The following PHF24 variants were observed in gnomAD, a reference collection of about 807,000 sequenced individuals.
PHF24 encodes the protein PHD finger protein 24, also known as Galpha inhibitory interacting protein.
A neutral mutation model predicts 42.6 loss-of-function variants in PHF24; 25 were observed. That is an observed-to-expected ratio of 0.59 (90% CI 0.43 to 0.82). The LOEUF (loss-of-function observed/expected upper bound fraction) is 0.82. PHF24 is among the 40% of genes least tolerant of loss of function. The pLI is 0.00. For synonymous variants in PHF24, 185 were observed against 204.8 expected, an observed-to-expected ratio of 0.90 and a Z score of 0.83; for missense variants, 470 against 538.1, an observed-to-expected ratio of 0.87 and a Z score of 1.25.
At chr9:34,691,269 C>T in the PHF24 span, 2 of 686,338 alleles carry the variant, frequency 2.9e-6, no homozygotes, top group Non-Finnish European at 4.9e-6. Context: ...TGATGTGAGG[C>T]TGGGAATGTG....
chr9:34,842,583 T>C, the PHF24 span, among the ~76,000 whole-genome samples: 2 of 152,108 alleles, frequency 1.3e-5, no homozygotes, highest in Non-Finnish European at 2.9e-5. Context: ...GACACAGCAT[T>C]TGTCCCCTCT....
the PHF24 span, among the ~76,000 whole-genome samples, chr9:34,785,079 AAG>A: frequency 6.6e-6 from 1 of 152,242 alleles, no homozygotes; most frequent in South Asian, 2.1e-4. Context: ...ATTTATAAAT[AAG>A]AGAGATGTAT....
At chr9:34,805,226 G>A in the PHF24 span, among the ~76,000 whole-genome samples, 1 of 152,168 alleles carries the variant, frequency 6.6e-6, no homozygotes, top group African/African-American at 2.4e-5. Context: ...AATATACCTA[G>A]GAGTGAAATT....
chr9:34,694,592 C>T, the PHF24 span, among the ~76,000 whole-genome samples: 15 of 152,282 alleles, frequency 9.9e-5, no homozygotes, highest in Admixed American at 9.1e-4. Flanking sequence ...TTTGGCCTCC[C>T]AAAGTGCAGG....
the PHF24 span, among the ~76,000 whole-genome samples, chr9:34,924,368 G>T: frequency 6.6e-6 from 1 of 152,124 alleles, no homozygotes; most frequent in Non-Finnish European, 1.5e-5. Context: ...GTCTGAAAGT[G>T]GGGTGTTGAA....
At chr9:34,909,724 C>T in the PHF24 span, among the ~76,000 whole-genome samples, 2 of 151,924 alleles carry the variant, frequency 1.3e-5, no homozygotes, top group Admixed American at 6.5e-5. Flanking sequence ...CGGGCTCACG[C>T]CATTCTCCTG....
At chr9:34,824,072 G>T in the PHF24 span, among the ~76,000 whole-genome samples, 3 of 152,210 alleles carry the variant, frequency 2.0e-5, no homozygotes, top group African/African-American at 7.2e-5. Flanking sequence ...GGGCCTGTTT[G>T]CTCTCGCCTG....
At chr9:34,781,493 G>A in the PHF24 span, among the ~76,000 whole-genome samples, 22 of 152,214 alleles carry the variant, frequency 1.4e-4, no homozygotes, top group East Asian at 4.2e-3. Context: ...GTTTTTGTTT[G>A]GGTTGGTGAA....
At chr9:34,847,927 C>G in the PHF24 span, among the ~76,000 whole-genome samples, 1 of 152,148 alleles carries the variant, frequency 6.6e-6, no homozygotes, top group Non-Finnish European at 1.5e-5. Flanking sequence ...TATTGAACCA[C>G]TCTTGCATCC....
the PHF24 span, chr9:34,689,924 G>A: frequency 2.6e-5 from 42 of 1,614,118 alleles, no homozygotes; most frequent in African/African-American, 4.1e-4. This position sits in a 1 kb window ranked among gnomAD's most constrained non-coding sequence, Gnocchi z 4.1. Context: ...GGAGGGCCAG[G>A]CTTGCCTTGG....
At chr9:34,839,662 T>C in the PHF24 span, among the ~76,000 whole-genome samples, 3 of 152,156 alleles carry the variant, frequency 2.0e-5, no homozygotes, top group African/African-American at 4.8e-5. Flanking sequence ...GCATGGTAAG[T>C]ATATTCAGTA....
chr9:34,737,786 C>T, the PHF24 span, among the ~76,000 whole-genome samples: 1 of 152,084 alleles, frequency 6.6e-6, no homozygotes, highest in South Asian at 2.1e-4. Context: ...CAAAAATTGA[C>T]ACGATATTTA....
the PHF24 span, among the ~76,000 whole-genome samples, chr9:34,795,581 T>C: frequency 1.3e-5 from 2 of 152,176 alleles, no homozygotes; most frequent in Non-Finnish European, 2.9e-5. Context: ...TTGAGTTGTT[T>C]GAAATGTTTG....
At chr9:34,802,163 C>T in the PHF24 span, among the ~76,000 whole-genome samples, 1 of 151,796 alleles carries the variant, frequency 6.6e-6, no homozygotes, top group South Asian at 2.1e-4. Context: ...TTTTAATCTG[C>T]CCATCAACTC....
the PHF24 span, among the ~76,000 whole-genome samples, chr9:34,891,947 T>C: frequency 6.6e-6 from 1 of 151,890 alleles, no homozygotes; most frequent in Non-Finnish European, 1.5e-5. Flanking sequence ...ATGGAGAATG[T>C]GGGGGAAAAG....
chr9:34,952,308 G>C, the PHF24 span, among the ~76,000 whole-genome samples: 1 of 152,084 alleles, frequency 6.6e-6, no homozygotes, highest in Non-Finnish European at 1.5e-5. Flanking sequence ...ACTAAAAACT[G>C]CACAAACGAT....
the PHF24 span, among the ~76,000 whole-genome samples, chr9:34,754,037 A>G: frequency 6.6e-6 from 1 of 152,106 alleles, no homozygotes; most frequent in Non-Finnish European, 1.5e-5. Context: ...AAAGACTTAA[A>G]TATAAGACGT....
At chr9:34,748,863 G>T in the PHF24 span, among the ~76,000 whole-genome samples, 14 of 151,864 alleles carry the variant, frequency 9.2e-5, no homozygotes, top group African/African-American at 3.4e-4. Context: ...ATGAAATAAG[G>T]CACCAGGGAC....
At chr9:34,706,421 G>A in the PHF24 span, among the ~76,000 whole-genome samples, 1 of 152,188 alleles carries the variant, frequency 6.6e-6, no homozygotes, top group Non-Finnish European at 1.5e-5. Flanking sequence ...TAGCATAGGA[G>A]TTAAAGTTGT....
Sources: allele counts gnomAD v4.1 joint callset (sites outside exome capture counted in the v4.1 genomes callset), GRCh38; gene constraint gnomAD v4.1.1; non-coding constraint Gnocchi (gnomAD v3.1); transcripts MANE v1.5; gene names NCBI Gene and HGNC (gene_info 2026-07-23, HGNC 2026-07-21).